HOOK3: variants seen among roughly 807,000 people sequenced by gnomAD.
HOOK3 encodes the protein hook microtubule tethering protein 3.
In HOOK3, 24 loss-of-function variants were observed where a neutral mutation model predicts 116.3. The ratio of observed to expected loss-of-function variants is 0.21; its 90% CI spans 0.15 to 0.29. HOOK3 has a LOEUF of 0.29. Ranked by LOEUF, HOOK3 falls within the 10% of genes least tolerant of loss-of-function variation. HOOK3 has a pLI of 1.00. For missense variants in HOOK3, 632 were observed against 830.2 expected, an observed-to-expected ratio of 0.76 and a Z score of 2.93; for synonymous variants, 275 against 283.0, an observed-to-expected ratio of 0.97 and a Z score of 0.28.
chr8:42,974,629 G>A (rs1474003848), intron 13 of HOOK3, among the ~76,000 whole-genome samples: 1 of 152,194 alleles, frequency 6.6e-6, no homozygotes, highest in Non-Finnish European at 1.5e-5. Flanking sequence ...TTGGGCCCAC[G>A]TGCGCTCCTC....
At chr8:43,002,572 TA>T (rs1368453949) in intron 17 of HOOK3, among the ~76,000 whole-genome samples, 2 of 152,224 alleles carry the variant, frequency 1.3e-5, no homozygotes, top group African/African-American at 4.8e-5. Context: ...TAAAACTTTA[TA>T]GATACGAACA....
At chr8:42,959,401 C>A in intron 8 of HOOK3, 87 bp downstream of exon 8, 1 of 867,336 alleles carries the variant, frequency 1.2e-6, no homozygotes, top group Non-Finnish European at 1.8e-6. Context: ...TACAGTACAT[C>A]TTAACTATAA....
intron 17 of HOOK3, among the ~76,000 whole-genome samples, chr8:43,005,765 C>G (rs1005867369): frequency 6.6e-6 from 1 of 151,832 alleles, no homozygotes; most frequent in Non-Finnish European, 1.5e-5. Context: ...GGCATGATCT[C>G]GGCTCACTTC....
At chr8:42,957,008 C>T in intron 6 of HOOK3, 86 bp from the exon 7 acceptor site, 1 of 622,318 alleles carries the variant, frequency 1.6e-6, no homozygotes, top group Non-Finnish European at 2.8e-6. Flanking sequence ...TCTATAGTGG[C>T]TGGGTATTCA....
chr8:42,936,776 G>T (rs1252815334), intron 4 of HOOK3, among the ~76,000 whole-genome samples: 3 of 152,156 alleles, frequency 2.0e-5, no homozygotes, highest in Non-Finnish European at 1.5e-5. Context: ...TTGATGTGCT[G>T]CTGGATTCAG....
At position 42,959,266 on chromosome 8, in the gene HOOK3, G is replaced by A; in HGVS notation, c.567G>A (p.Leu189=). 3 of 1,613,790 alleles carry A rather than the reference G, an allele frequency of 1.9e-6. No homozygotes were observed. Among genetic ancestry groups the A allele is most frequent in the Non-Finnish European group, 2.5e-6 (3 of 1,179,772 alleles). ...CTACAGAGGAACTAAATGAAGCTTT[G>A]TCAGCAAAGGAAGAAATTGCTCAAA... is the stretch of plus-strand genomic sequence containing the variant. ...KKTTEELNEA[L]SAKEEIAQRC... The change falls in exon 8 of 22, where the codon TTG becomes TTA. Residue 189 remains leucine (L), a synonymous_variant. Coordinates refer to ENST00000307602, the MANE Select transcript of HOOK3 (RefSeq NM_032410.4).
rs923857438 is a variant in HOOK3, at chr8:43,019,622, C to T, written c.*1124C>T. The T allele has an allele frequency of 7.9e-5, 16 of 203,240 alleles. No individual in the cohort carries two copies. Among genetic ancestry groups the T allele is most frequent in the Non-Finnish European group, 1.5e-4 (15 of 99,318 alleles). The allele number at this position is 203,240 out of a possible 1,614,324, so 12.6% of individuals were successfully genotyped here. On this transcript the variant is annotated 3_prime_UTR_variant, in exon 22 of 22. Transcript: ENST00000307602. ...TAGATTTTCTTGGATATTTGGTTGC[C>T]TCAAAGTGCTTACATTTGTTAACAG...
intron 5 of HOOK3, among the ~76,000 whole-genome samples, chr8:42,946,495 A>G (rs1808228652): frequency 1.3e-5 from 2 of 152,234 alleles, no homozygotes; most frequent in Admixed American, 6.5e-5. Context: ...GTATGTTACT[A>G]TTACTTATGT....
In HOOK3 at chr8:42,944,546, C is replaced by T. The variant is rs1024290212; in HGVS notation, c.400+1101C>T. Among the ~76,000 whole-genome samples the T allele has an allele frequency of 1.5e-4, 22 of 151,264 alleles. 1 individual carries two copies. The highest frequency in any genetic ancestry group is 9.9e-4 in the Admixed American group (15 of 15,188). ...GGCTTGTAAAATTAATGGGGCCGGG[C>T]GCAGTGGCTCACGCCTGTAATCCCA... On this transcript the variant is annotated intron_variant, in intron 5 of 21. Transcript: ENST00000307602.
chr8:42,946,124 A>G (rs1353793168), intron 5 of HOOK3, among the ~76,000 whole-genome samples: 1 of 152,186 alleles, frequency 6.6e-6, no homozygotes, highest in South Asian at 2.1e-4. Flanking sequence ...TATTGAACTT[A>G]TACATTACTA....
chr8:42,992,962 T>A (rs909741936), intron 15 of HOOK3, among the ~76,000 whole-genome samples: 11 of 152,236 alleles, frequency 7.2e-5, no homozygotes, highest in Admixed American at 7.2e-4. Flanking sequence ...TATGTAACTT[T>A]TATTATGTTG....
chr8:42,961,354 T>C (rs966380720), intron 8 of HOOK3, among the ~76,000 whole-genome samples: 2 of 152,228 alleles, frequency 1.3e-5, no homozygotes, highest in African/African-American at 4.8e-5. Flanking sequence ...ATATAACACA[T>C]GAGTAAGAAC....
Position 42,968,145 on chromosome 8 carries a change from T to C in HOOK3, c.1053T>C (p.Thr351=), listed in dbSNP as rs142927520. 115 of 1,613,824 alleles carry C rather than the reference T, an allele frequency of 7.1e-5. No homozygotes were observed. In the East Asian group the frequency reaches 1.4e-3, roughly 19 times the overall value. The change falls in exon 11 of 22, where the codon ACT becomes ACC. Residue 351 remains threonine (T), a synonymous_variant. Transcript: ENST00000307602. ...AGAATACCATGTATATGCAGAATAC[T>C]GTCAGTCTAGAGGAAGAGTTAAGAA... ...EEKNTMYMQN[T]VSLEEELRKA...
intron 15 of HOOK3, among the ~76,000 whole-genome samples, chr8:42,996,794 A>G (rs1442578664): frequency 6.7e-6 from 1 of 148,168 alleles, no homozygotes; most frequent in Non-Finnish European, 1.5e-5. Flanking sequence ...CATCATTTTT[A>G]TATGCATCTA....
At chr8:42,973,960 C>T in intron 12 of HOOK3, 147 bp from the exon 13 acceptor site, 2 of 659,044 alleles carry the variant, frequency 3.0e-6, no homozygotes, top group South Asian at 1.9e-5. Flanking sequence ...ATCTTTTCCT[C>T]CTTCTATGAT....
intron 2 of HOOK3, among the ~76,000 whole-genome samples, chr8:42,916,422 G>C (rs1462055626): frequency 1.3e-5 from 2 of 152,164 alleles, no homozygotes; most frequent in South Asian, 4.1e-4. Context: ...ACCTGAGTTA[G>C]CTCAGACCTC....
At chr8:42,966,692 CTT>C (rs1032833398) in intron 10 of HOOK3, 79 bp downstream of exon 10, 39 of 1,492,390 alleles carry the variant, frequency 2.6e-5, no homozygotes, top group Non-Finnish European at 3.5e-5. Flanking sequence ...ATCTAGCAAA[CTT>C]AAGAGCCAGG....
At chr8:42,959,573 G>T (rs1808498335) in intron 8 of HOOK3, among the ~76,000 whole-genome samples, 2 of 151,868 alleles carry the variant, frequency 1.3e-5, no homozygotes, top group Non-Finnish European at 2.9e-5. Flanking sequence ...CAAAAAATTA[G>T]CCGGGTGTGA....
At chr8:42,941,517 CAAAAAAAAAAAAA>C (rs960451235) in intron 4 of HOOK3, among the ~76,000 whole-genome samples, 1 of 44,028 alleles carries the variant, frequency 2.3e-5, no homozygotes, top group East Asian at 7.1e-4. Context: ...GACTCCGTCT[CAAAAAAAAAAAAA>C]AAAAAAAAAA....
Sources: allele counts gnomAD v4.1 joint callset (sites outside exome capture counted in the v4.1 genomes callset), GRCh38; gene constraint gnomAD v4.1.1; transcripts MANE v1.5; gene names NCBI Gene and HGNC (gene_info 2026-07-23, HGNC 2026-07-21).